Variants in NF2 observed in about 807,000 individuals in gnomAD.
NF2 encodes NF2, moesin-ezrin-radixin like (MERLIN) tumor suppressor.
NF2 carries 8 observed loss-of-function variants against 83.7 expected under a neutral mutation model. The ratio of observed to expected loss-of-function variants is 0.10; its 90% CI spans 0.06 to 0.17. The LOEUF (loss-of-function observed/expected upper bound fraction) is 0.17, where lower values mean the gene tolerates loss of function less well. Among genes scored for constraint, NF2 ranks in the 10% least tolerant of loss-of-function variants. The pLI, the probability that NF2 is intolerant of heterozygous loss-of-function variation, is 1.00. For missense variants in NF2, 533 were observed against 744.4 expected (o/e 0.72, Z 3.31); for synonymous variants, 266 against 269.6 (o/e 0.99, Z 0.13).
At chr22:29,619,690 C>T (rs13054076) in intron 1 of NF2, among the ~76,000 whole-genome samples, 52,256 of 151,728 alleles carry the variant, frequency 0.34, 9,104 homozygotes, top group South Asian at 0.5. Context: ...CCACCGTGCC[C>T]GACCTCTCCC....
chr22:29,671,809 T>G lies in NF2; in HGVS notation c.1000-17T>G, dbSNP rs2147070465. ...GAGCCCTGTGATTCAATGACTGTTTTTCTTCACCCCTCGCAGATGGAGCGG... is the reference window on the plus strand; with the variant it reads ...GAGCCCTGTGATTCAATGACTGTTTGTCTTCACCCCTCGCAGATGGAGCGG... On this transcript the variant is annotated splice_polypyrimidine_tract_variant and intron_variant, in intron 10 of 15. Coordinates refer to ENST00000338641, the MANE Select transcript of NF2 (RefSeq NM_000268.4). 1 of 1,613,864 alleles carries G rather than the reference T, an allele frequency of 6.2e-7. No individual in the cohort carries two copies. The highest frequency in any genetic ancestry group is 1.1e-5 in the South Asian group (1 of 91,076).
intron 1 of NF2, among the ~76,000 whole-genome samples, chr22:29,625,319 A>C (rs2065340484): frequency 6.6e-6 from 1 of 152,184 alleles, no homozygotes; most frequent in South Asian, 2.1e-4. Flanking sequence ...TTTCTGCCAT[A>C]GTTAATTATT....
chr22:29,644,764 T>A (rs2065934551), intron 4 of NF2, among the ~76,000 whole-genome samples: 1 of 151,996 alleles, frequency 6.6e-6, no homozygotes. Flanking sequence ...ACCAAAAAAA[T>A]ACGAAAACCC....
chr22:29,692,140 C>T (rs1206300199), intron 15 of NF2, among the ~76,000 whole-genome samples: 1 of 152,182 alleles, frequency 6.6e-6, no homozygotes. Context: ...GGCAGCAGCC[C>T]TTGCTGACCA....
At chr22:29,624,211 T>G (rs2065284557) in intron 1 of NF2, among the ~76,000 whole-genome samples, 1 of 151,378 alleles carries the variant, frequency 6.6e-6, no homozygotes, top group South Asian at 2.1e-4. Context: ...TTTTTTTGTT[T>G]TGTTTGTTTG....
At position 29,673,431 on chromosome 22, in the gene NF2, A is replaced by G; in HGVS notation, c.1285A>G (p.Lys429Glu). 6.2e-7 allele frequency: 1 copy of G among 1,612,516 alleles called. No homozygotes were observed. Among genetic ancestry groups the G allele is most frequent in the Non-Finnish European group, 8.5e-7 (1 of 1,179,652 alleles). Residue 429 changes from lysine to glutamate, a missense_variant, in exon 12 of 16, where the codon AAG (lysine) becomes GAG (glutamate). Physicochemically the swap from Lys to Glu is moderately conservative, Grantham distance 56. Coordinates refer to ENST00000338641, the MANE Select transcript of NF2 (RefSeq NM_000268.4). ...GGAGGAGAAGCGCCTGATGGAGCAG[A>G]AGGTGCTGGAAGCCGAGGTGCTGGC... ...TEEEKRLMEQ[K>E]VLEAEVLALK... is the part of the protein sequence containing the mutation.
At chr22:29,658,877 G>A (rs1569296332) in intron 7 of NF2, among the ~76,000 whole-genome samples, 1 of 152,108 alleles carries the variant, frequency 6.6e-6, no homozygotes, top group Non-Finnish European at 1.5e-5. Context: ...ACAAAGGGAT[G>A]CATGCGATTT....
At chr22:29,612,583 C>T (rs1021478341) in intron 1 of NF2, among the ~76,000 whole-genome samples, 2 of 151,860 alleles carry the variant, frequency 1.3e-5, no homozygotes, top group Admixed American at 1.3e-4. Flanking sequence ...AGCAACCTCC[C>T]ATGTTGGCCC....
At position 29,603,692 on chromosome 22, in the gene NF2, C is replaced by G. The variant is rs2064701373; in HGVS notation, c.-307C>G. 1 of 436,558 alleles carries G rather than the reference C, an allele frequency of 2.3e-6. No homozygotes were observed. Among genetic ancestry groups the G allele is most frequent in the Non-Finnish European group, 4.0e-6 (1 of 248,234 alleles). The allele number at this position is 436,558 out of a possible 1,614,324, so 27.0% of individuals were successfully genotyped here. A position where few individuals can be genotyped will look rare whatever the true frequency, so the allele number is the denominator to read the frequency against. On this transcript the variant is annotated 5_prime_UTR_variant, in exon 1 of 16. Coordinates refer to ENST00000338641, the MANE Select transcript of NF2 (RefSeq NM_000268.4). ...TCTGGGCCGCTGCCGTCTAGGGGTC[C>G]CGTCCCGAGGCGTCCCCGGCATCTC...
intron 1 of NF2, among the ~76,000 whole-genome samples, chr22:29,607,533 C>T (rs964418122): frequency 4.4e-4 from 67 of 152,092 alleles, no homozygotes; most frequent in African/African-American, 1.5e-3. Context: ...TAACAATTGG[C>T]CCTGGAGAGG....
chr22:29,612,216 C>A (rs1185285494), intron 1 of NF2, among the ~76,000 whole-genome samples: 2 of 152,138 alleles, frequency 1.3e-5, no homozygotes, highest in Admixed American at 6.5e-5. Flanking sequence ...CCATGTTGGC[C>A]AGGCTGGTCT....
chr22:29,635,048 A>G (rs2065612749), intron 1 of NF2, among the ~76,000 whole-genome samples: 1 of 152,206 alleles, frequency 6.6e-6, no homozygotes, highest in African/African-American at 2.4e-5. Context: ...CTGCTAAAAG[A>G]TAAAAGCCAG....
chr22:29,698,079 T>G lies in NF2; in HGVS notation c.*3277T>G, dbSNP rs1293821726. 4.3e-6 allele frequency: 1 copy of G among 230,046 alleles called. No individual in the cohort carries two copies. The highest frequency in any genetic ancestry group is 2.2e-5 in the African/African-American group (1 of 45,122). 14.3% of individuals were successfully genotyped at this position (230,046 alleles called of 1,614,324 possible). ...GCTGTCCTTTTGGCCAGTAGCCGTG[T>G]GCAGCTGTGTGGCACAGATGGCTTC... On this transcript the variant is annotated 3_prime_UTR_variant, in exon 16 of 16. Transcript: ENST00000338641.
Position 29,673,500 on chromosome 22 carries a change from G to A in NF2, c.1340+14G>A, listed in dbSNP as rs776008972. 1.0e-5 allele frequency: 16 copies of A among 1,600,124 alleles called. No individual in the cohort carries two copies. The highest frequency in any genetic ancestry group is 2.2e-5 in the East Asian group (1 of 44,478). On this transcript the variant is annotated intron_variant, in intron 12 of 15. Transcript: ENST00000338641. ...GTCAGAGAGGAGGTGAGGGGGCACC[G>A]GGCACCAGACTGGCGAGGAGGCTGG...
At chr22:29,623,698 C>T (rs2065272645) in intron 1 of NF2, among the ~76,000 whole-genome samples, 1 of 152,112 alleles carries the variant, frequency 6.6e-6, no homozygotes, top group Non-Finnish European at 1.5e-5. Context: ...GAGTTGAGCT[C>T]AGGAAGTCAG....
intron 5 of NF2, 89 bp downstream of exon 5, chr22:29,654,814 G>A: frequency 1.1e-6 from 1 of 934,418 alleles, no homozygotes; most frequent in Non-Finnish European, 1.8e-6. Flanking sequence ...AATATTGGAA[G>A]TACATAGCAA....
At chr22:29,643,793 A>G (rs1249002918) in intron 4 of NF2, among the ~76,000 whole-genome samples, 1 of 152,142 alleles carries the variant, frequency 6.6e-6, no homozygotes, top group African/African-American at 2.4e-5. Flanking sequence ...CCCGTTCTCA[A>G]TGAGCTGTTG....
At chr22:29,676,477 A>G (rs1262276773) in intron 13 of NF2, among the ~76,000 whole-genome samples, 1 of 152,142 alleles carries the variant, frequency 6.6e-6, no homozygotes, top group Non-Finnish European at 1.5e-5. Context: ...TGCCCAGCCT[A>G]TATGTGTTGT....
At position 29,668,053 on chromosome 22, in the gene NF2, G is replaced by C. The variant is rs534590490; in HGVS notation, c.886-280G>C. Among the ~76,000 whole-genome samples, 39 of 151,376 alleles carry C rather than the reference G, an allele frequency of 2.6e-4. 1 individual carries two copies. The South Asian group carries it at 8.2e-3, about 32-fold the overall frequency. Reference sequence around the variant, plus strand: ...TCTGCAGAACCACATCTTGATGTAGGAGAGTAAGGTGCACCCAGAAGACAT... The same window carrying C: ...TCTGCAGAACCACATCTTGATGTAGCAGAGTAAGGTGCACCCAGAAGACAT... On this transcript the variant is annotated intron_variant, in intron 9 of 15. Coordinates refer to ENST00000338641, the MANE Select transcript of NF2 (RefSeq NM_000268.4).
Sources: gnomAD v4.1 joint callset for allele counts (sites outside exome capture counted in the v4.1 genomes callset) on GRCh38, gnomAD v4.1.1 for gene constraint, MANE v1.5 for transcripts, NCBI Gene and HGNC (gene_info 2026-07-23, HGNC 2026-07-21) for gene names.